The following SNX16 variants were observed in gnomAD, a reference collection of about 807,000 sequenced individuals.
The protein encoded by SNX16 is sorting nexin 16, also known as sorting nexin-16.
In SNX16, 35 loss-of-function variants were observed where a neutral mutation model predicts 36.7. That is an observed-to-expected ratio of 0.95 (90% CI 0.73 to 1.27). SNX16 has a LOEUF of 1.27. Ranked by LOEUF, SNX16 falls within the 50% of genes most tolerant of loss-of-function variation. SNX16 has a pLI of 0.00. For missense variants in SNX16, 367 were observed against 393.6 expected, an observed-to-expected ratio of 0.93 and a Z score of 0.57; for synonymous variants, 134 against 132.0, an observed-to-expected ratio of 1.02 and a Z score of -0.10.
At chr8:81,804,587 CAAAAT>C (rs1180036411) in intron 5 of SNX16, among the ~76,000 whole-genome samples, 2 of 151,470 alleles carry the variant, frequency 1.3e-5, no homozygotes, top group Non-Finnish European at 3.0e-5. Flanking sequence ...ATCAAAAGCA[CAAAAT>C]AAAATAATAG....
intron 4 of SNX16, among the ~76,000 whole-genome samples, chr8:81,822,947 C>CAT (rs949455303): frequency 0.051 from 2,648 of 52,190 alleles, 43 homozygotes; most frequent in East Asian, 0.11. Flanking sequence ...TATACATATA[C>CAT]ATATATATAT....
chr8:81,809,298 T>C (rs764555963), intron 5 of SNX16, among the ~76,000 whole-genome samples: 4 of 152,218 alleles, frequency 2.6e-5, no homozygotes, highest in Non-Finnish European at 5.9e-5. Context: ...AATCATGGAA[T>C]TATTGGTTAT....
chr8:81,809,330 T>C (rs1162035319), intron 5 of SNX16, among the ~76,000 whole-genome samples: 8 of 152,180 alleles, frequency 5.3e-5, no homozygotes, highest in Non-Finnish European at 1.2e-4. Flanking sequence ...TTGGCACATC[T>C]TATGCAATAT....
At chr8:81,822,206 A>C (rs940161455) in intron 4 of SNX16, among the ~76,000 whole-genome samples, 1 of 152,016 alleles carries the variant, frequency 6.6e-6, no homozygotes, top group Non-Finnish European at 1.5e-5. Flanking sequence ...CCAGTTACCT[A>C]ACGAAGTGCA....
chr8:81,815,410 A>G lies in SNX16; in HGVS notation c.612-16T>C. 1 of 1,608,968 alleles carries G rather than the reference A, an allele frequency of 6.2e-7. No homozygotes were observed. Among genetic ancestry groups the G allele is most frequent in the African/African-American group, 1.3e-5 (1 of 74,914 alleles). Reference sequence around the variant, plus strand: ...CACTGCAAGGCTTTTCAAAGGAAAAAAAAAATGATCTGAAGTACAAATAAG... The same window carrying G: ...CACTGCAAGGCTTTTCAAAGGAAAAGAAAAATGATCTGAAGTACAAATAAG... On this transcript the variant is annotated splice_polypyrimidine_tract_variant and intron_variant, in intron 4 of 7. Transcript: ENST00000345957.
At chr8:81,816,400 G>A (rs1810495042) in intron 4 of SNX16, among the ~76,000 whole-genome samples, 1 of 151,782 alleles carries the variant, frequency 6.6e-6, no homozygotes, top group Non-Finnish European at 1.5e-5. Context: ...ATGTTGGCCA[G>A]GCTGGTCTCC....
At chr8:81,836,802 A>G (rs1346108567) in intron 2 of SNX16, among the ~76,000 whole-genome samples, 2 of 152,170 alleles carry the variant, frequency 1.3e-5, no homozygotes, top group East Asian at 1.9e-4. Context: ...TTTTTAAAAC[A>G]TTGTCAGATC....
At chr8:81,837,832 AAG>A (rs776151675) in intron 2 of SNX16, among the ~76,000 whole-genome samples, 1 of 152,108 alleles carries the variant, frequency 6.6e-6, no homozygotes, top group Non-Finnish European at 1.5e-5. Flanking sequence ...ATTTTCTAAA[AAG>A]AGAGAGAGAG....
chr8:81,820,595 TTTC>T (rs776060411), intron 4 of SNX16, among the ~76,000 whole-genome samples: 5,164 of 152,062 alleles, frequency 0.034, 141 homozygotes, highest in Non-Finnish European at 0.052. Context: ...TTCTATATAC[TTTC>T]TAATTATTTG....
At chr8:81,808,681 G>A in intron 5 of SNX16, 1 of 1,000,076 alleles carries the variant, frequency 1.0e-6, no homozygotes, top group Non-Finnish European at 1.6e-6. Flanking sequence ...AACCAAGGTG[G>A]CTATGGCGGT....
intron 7 of SNX16, among the ~76,000 whole-genome samples, chr8:81,802,049 A>T (rs944171090): frequency 3.3e-5 from 5 of 151,642 alleles, no homozygotes; most frequent in African/African-American, 1.2e-4. Context: ...CAATGGAAAA[A>T]GGGTGATATT....
At position 81,815,447 on chromosome 8, in the gene SNX16, T is replaced by C. The variant is rs1810438610; in HGVS notation, c.612-53A>G. 4.6e-6 allele frequency: 7 copies of C among 1,526,178 alleles called. No individual in the cohort carries two copies. The Admixed American group carries it at 1.2e-4, about 27-fold the overall frequency. The allele number at this position is 1,526,178 out of a possible 1,614,324, so 94.5% of individuals were successfully genotyped here. A position where few individuals can be genotyped will look rare whatever the true frequency, so the allele number is the denominator to read the frequency against. On this transcript the variant is annotated intron_variant, in intron 4 of 7. Transcript: ENST00000345957. ...GAAGTACAAATAAGTTTGCAAAAGATAGCAAAAAGCAAAAGTTACTTTGAA... is the reference window on the plus strand; with the variant it reads ...GAAGTACAAATAAGTTTGCAAAAGACAGCAAAAAGCAAAAGTTACTTTGAA...
chr8:81,807,518 CAAAAAAAAAAAAAAAA>C (rs71268027), intron 5 of SNX16, among the ~76,000 whole-genome samples: 70 of 49,332 alleles, frequency 1.4e-3, no homozygotes, highest in East Asian at 7.4e-3. Context: ...GACTCTGTCT[CAAAAAAAAAAAAAAAA>C]AAAAAAAAAA....
In SNX16 at chr8:81,800,415, C is replaced by G. The variant is rs1809634238; in HGVS notation, c.*1082G>C. ...AAGCTGACTCAAAGACCCTAGGAGA[C>G]TTTTGTAGAAAGTGAAATAGTAAAG... On this transcript the variant is annotated 3_prime_UTR_variant, in exon 8 of 8. Coordinates refer to ENST00000345957, the MANE Select transcript of SNX16 (RefSeq NM_152836.3). 1 of 152,182 alleles carries G rather than the reference C, an allele frequency of 6.6e-6. No homozygotes were observed. The highest frequency in any genetic ancestry group is 2.4e-5 in the African/African-American group (1 of 41,414). The allele number at this position is 152,182 out of a possible 1,614,324, so 9.4% of individuals were successfully genotyped here. A position where few individuals can be genotyped will look rare whatever the true frequency, so the allele number is the denominator to read the frequency against.
In SNX16 at chr8:81,839,626, T is replaced by C; in HGVS notation, c.361A>G (p.Arg121Gly). The change falls in exon 2 of 8, where the codon AGA (arginine) becomes GGA (glycine). Residue 121 changes from arginine (R) to glycine (G), a missense_variant. Arg to Gly is a moderately radical substitution (Grantham distance 125). Transcript: ENST00000345957. ...TILGYEVMEE[R>G]AKFTVYKILV... The stretch of plus-strand genomic sequence containing the variant: ...TCAATACTTACAGTAAATTTAGCTC[T>C]TTCTTCCATCACTTCATAACCCAGT... 6.2e-7 allele frequency: 1 copy of C among 1,610,216 alleles called. No individual in the cohort carries two copies. The highest frequency in any genetic ancestry group is 8.5e-7 in the Non-Finnish European group (1 of 1,178,004).
chr8:81,817,659 A>G (rs1810553604), intron 4 of SNX16, among the ~76,000 whole-genome samples: 1 of 152,194 alleles, frequency 6.6e-6, no homozygotes, highest in Admixed American at 6.5e-5. Flanking sequence ...AACAAGACTC[A>G]GTCAGTAAAG....
rs1809612113 is a variant in SNX16, at chr8:81,799,997, TGCA to T, written c.*1497_*1499del. 1 of 69,404 alleles carries T rather than the reference TGCA, an allele frequency of 1.4e-5. No homozygotes were observed. The highest frequency in any genetic ancestry group is 9.0e-5 in the African/African-American group (1 of 11,154). The allele number at this position is 69,404 out of a possible 1,614,324, so 4.3% of individuals were successfully genotyped here. On this transcript the variant is annotated 3_prime_UTR_variant, in exon 8 of 8. Transcript: ENST00000345957. ...GAAAAATGTTCTGAGAACATACCTG[TGCA>T]CTTTGACAGACTAAAAATTTTTGGT...
chr8:81,839,244 C>G (rs1280864087), intron 2 of SNX16, among the ~76,000 whole-genome samples: 1 of 151,936 alleles, frequency 6.6e-6, no homozygotes, highest in Non-Finnish European at 1.5e-5. Flanking sequence ...AGACCAGATG[C>G]AAAAAGAGTA....
At chr8:81,811,702 GAT>G (rs1478844520) in intron 5 of SNX16, among the ~76,000 whole-genome samples, 2 of 152,050 alleles carry the variant, frequency 1.3e-5, no homozygotes, top group African/African-American at 4.8e-5. Context: ...AGGAGACAGA[GAT>G]TAAGAATCAA....
Sources: allele counts gnomAD v4.1 joint callset (sites outside exome capture counted in the v4.1 genomes callset), GRCh38; gene constraint gnomAD v4.1.1; transcripts MANE v1.5; gene names NCBI Gene and HGNC (gene_info 2026-07-23, HGNC 2026-07-21).